EDNRB: variants seen among roughly 807,000 people sequenced by gnomAD.
EDNRB encodes the protein Hirschsprung disease 2.
A neutral mutation model predicts 46.4 loss-of-function variants in EDNRB; 18 were observed. The ratio of observed to expected loss-of-function variants is 0.39; its 90% confidence interval spans 0.27 to 0.57. EDNRB has a LOEUF of 0.57. Among genes scored for constraint, EDNRB ranks in the 20% least tolerant of loss-of-function variants. The probability of loss-of-function intolerance (pLI) is 0.61; values close to 1 mark genes in which losing one functional copy is unlikely to be tolerated. For missense variants in EDNRB, 434 were observed against 537.5 expected (o/e 0.81, Z 1.90); for synonymous variants, 213 against 204.9 (o/e 1.04, Z -0.34).
chr13:77,921,612 C>T (rs1417368615), upstream of EDNRB, among the ~76,000 whole-genome samples: 4 of 152,258 alleles, frequency 2.6e-5, no homozygotes, highest in South Asian at 2.1e-4. Context: ...AAAGCCTAAG[C>T]AAATTTTTTT....
chr13:77,920,461 C>A (rs1217949432), upstream of EDNRB, among the ~76,000 whole-genome samples: 1 of 152,188 alleles, frequency 6.6e-6, no homozygotes, highest in Non-Finnish European at 1.5e-5. Context: ...CCCAGAAGCA[C>A]CCATTCCATG....
At chr13:77,924,154 A>G (rs1880165383), upstream of EDNRB, among the ~76,000 whole-genome samples, 1 of 152,252 alleles carries the variant, frequency 6.6e-6, no homozygotes, top group East Asian at 1.9e-4. Context: ...TGCTTTTGTC[A>G]AAGCGAGGGA....
intron 1 of EDNRB, among the ~76,000 whole-genome samples, chr13:77,926,879 C>G (rs752497870): frequency 6.6e-6 from 1 of 152,042 alleles, no homozygotes; most frequent in Non-Finnish European, 1.5e-5. Flanking sequence ...GGGCAGGAGG[C>G]GAAAGACACT....
At chr13:77,912,178 C>G (rs1409148816) in intron 1 of EDNRB, among the ~76,000 whole-genome samples, 1 of 152,038 alleles carries the variant, frequency 6.6e-6, no homozygotes, top group Admixed American at 6.6e-5. Flanking sequence ...TTTAAATGAG[C>G]AAACTGAGAA....
intron 1 of EDNRB, among the ~76,000 whole-genome samples, chr13:77,927,878 A>C (rs1452078845): frequency 1.3e-5 from 2 of 152,178 alleles, no homozygotes; most frequent in African/African-American, 4.8e-5. Context: ...AGGTAATTGA[A>C]TCATGGGGGT....
chr13:77,897,603 A>C lies in EDNRB; in HGVS notation c.*597T>G. Reference sequence around the variant, plus strand: ...TCTAGTGAAAGTGTAATGATTTTCAAAAACAGCCTTGCTCTTTCTGTTACT... The same window carrying C: ...TCTAGTGAAAGTGTAATGATTTTCACAAACAGCCTTGCTCTTTCTGTTACT... On this transcript the variant is annotated 3_prime_UTR_variant, in exon 7 of 7. Coordinates refer to ENST00000646607, the MANE Select transcript of EDNRB (RefSeq NM_001122659.3). The C allele has an allele frequency of 1.0e-6, 1 of 985,534 alleles. No individual in the cohort carries two copies. Among genetic ancestry groups the C allele is most frequent in the Non-Finnish European group, 1.2e-6 (1 of 830,086 alleles). 61.0% of individuals were successfully genotyped at this position (985,534 alleles called of 1,614,324 possible).
intron 2 of EDNRB, 65 bp from the exon 3 acceptor site, chr13:77,903,425 T>C: frequency 6.2e-7 from 1 of 1,610,710 alleles, no homozygotes; most frequent in Non-Finnish European, 8.5e-7. Flanking sequence ...TTGCACAGTT[T>C]ATTTTCTAAG....
intron 1 of EDNRB, among the ~76,000 whole-genome samples, chr13:77,930,626 C>T (rs2329050): frequency 0.56 from 84,602 of 151,988 alleles, 24,312 homozygotes; most frequent in Middle Eastern, 0.67. Context: ...AAACCATGCA[C>T]ATTAGTGCAG....
intron 1 of EDNRB, 91 bp from the exon 2 acceptor site, chr13:77,903,698 G>A (rs1879123398): frequency 6.4e-6 from 7 of 1,088,140 alleles, no homozygotes; most frequent in African/African-American, 3.1e-5. Context: ...AACATGCAGA[G>A]TAGGATAAAC....
At chr13:77,921,236 T>C (rs1202429796), upstream of EDNRB, among the ~76,000 whole-genome samples, 2 of 152,192 alleles carry the variant, frequency 1.3e-5, no homozygotes, top group Admixed American at 6.5e-5. Flanking sequence ...TTTTATAAAT[T>C]GATAATGATA....
At chr13:77,929,806 G>A (rs967237547) in intron 1 of EDNRB, among the ~76,000 whole-genome samples, 7 of 152,130 alleles carry the variant, frequency 4.6e-5, no homozygotes, top group Non-Finnish European at 8.8e-5. Flanking sequence ...ATTTTACCTC[G>A]ATATATCCTC....
intron 1 of EDNRB, among the ~76,000 whole-genome samples, chr13:77,974,055 T>A (rs1304094594): frequency 6.6e-6 from 1 of 152,158 alleles, no homozygotes; most frequent in Admixed American, 6.5e-5. Flanking sequence ...GTTACACTGT[T>A]AACTTTTAGC....
In EDNRB at chr13:77,904,799, T is replaced by C. The variant is rs1192681668; in HGVS notation, c.484-1192A>G. On this transcript the variant is annotated intron_variant, in intron 1 of 6. Coordinates refer to ENST00000646607, the MANE Select transcript of EDNRB (RefSeq NM_001122659.3). ...TCATGAGGTTTTGAAAATAAAAGTA[T>C]TTCAAATCCATGGGTCTTAAAAATA... is the stretch of plus-strand genomic sequence containing the variant. Among the ~76,000 whole-genome samples, 15 of 151,960 alleles carry C rather than the reference T, an allele frequency of 9.9e-5. 1 individual carries two copies. The highest frequency in any genetic ancestry group is 9.8e-4 in the Admixed American group (15 of 15,256).
intron 1 of EDNRB, among the ~76,000 whole-genome samples, chr13:77,963,842 A>C (rs1280467714): frequency 1.3e-4 from 20 of 152,224 alleles, no homozygotes; most frequent in Non-Finnish European, 4.4e-5. Flanking sequence ...CAACCTACAG[A>C]ATGGGAGAAA....
chr13:77,962,736 A>G (rs905133235), intron 1 of EDNRB, among the ~76,000 whole-genome samples: 33 of 152,054 alleles, frequency 2.2e-4, no homozygotes, highest in African/African-American at 8.0e-4. Context: ...CTCTCTCACC[A>G]CTCCTATTCA....
In EDNRB at chr13:77,896,404, G is replaced by T; in HGVS notation, c.*1796C>A. 6.5e-7 allele frequency: 1 copy of T among 1,529,700 alleles called. No homozygotes were observed. Among genetic ancestry groups the T allele is most frequent in the East Asian group, 2.5e-5 (1 of 39,794 alleles). The allele number at this position is 1,529,700 out of a possible 1,614,324, so 94.8% of individuals were successfully genotyped here. A position where few individuals can be genotyped will look rare whatever the true frequency, so the allele number is the denominator to read the frequency against. On this transcript the variant is annotated 3_prime_UTR_variant, in exon 7 of 7. Transcript: ENST00000646607. ...TGGGATGAAATTAAAGAACAAGTTTGTGGGTGATTTATAAATAGAATCCAT... is the reference window on the plus strand; with the variant it reads ...TGGGATGAAATTAAAGAACAAGTTTTTGGGTGATTTATAAATAGAATCCAT...
intron 1 of EDNRB, among the ~76,000 whole-genome samples, chr13:77,925,461 G>A (rs1594378101): frequency 6.6e-6 from 1 of 152,178 alleles, no homozygotes. Flanking sequence ...ATGGATGAAT[G>A]CACAAATAAA....
At chr13:77,950,407 T>G (rs1444046881) in intron 1 of EDNRB, among the ~76,000 whole-genome samples, 1 of 152,134 alleles carries the variant, frequency 6.6e-6, no homozygotes, top group African/African-American at 2.4e-5. Flanking sequence ...GGGTAAGGAA[T>G]AGGGGACAAT....
At chr13:77,954,490 T>G (rs1594394767) in intron 1 of EDNRB, among the ~76,000 whole-genome samples, 1 of 131,470 alleles carries the variant, frequency 7.6e-6, no homozygotes, top group South Asian at 2.4e-4. Flanking sequence ...ATTTATTTAT[T>G]TATTTATTTA....
Sources: gnomAD v4.1 joint callset for allele counts (sites outside exome capture counted in the v4.1 genomes callset) on GRCh38, gnomAD v4.1.1 for gene constraint, MANE v1.5 for transcripts, NCBI Gene and HGNC (gene_info 2026-07-23, HGNC 2026-07-21) for gene names.